The following DPF3 variants were observed in gnomAD, a reference collection of about 807,000 sequenced individuals.
The protein encoded by DPF3 is double PHD fingers 3.
Under a neutral mutation model 56.8 loss-of-function variants are expected in DPF3, and 18 were observed. The ratio of observed to expected loss-of-function variants is 0.32; its 90% CI spans 0.22 to 0.47. The LOEUF (loss-of-function observed/expected upper bound fraction) is 0.47. Ranked by LOEUF, DPF3 falls within the 20% of genes least tolerant of loss-of-function variation. DPF3 has a pLI of 1.00. For synonymous variants in DPF3, 188 were observed against 180.2 expected, an observed-to-expected ratio of 1.04 and a Z score of -0.35; for missense variants, 403 against 488.8, an observed-to-expected ratio of 0.82 and a Z score of 1.65.
intron 8 of DPF3, chr14:72,661,209 T>A (rs1217722515): frequency 9.1e-5 from 90 of 985,152 alleles, no homozygotes; most frequent in Non-Finnish European, 1.1e-4. Flanking sequence ...ACAAGGGACA[T>A]TTTCTACCAG....
chr14:72,715,401 C>T (rs547866062), intron 5 of DPF3, among the ~76,000 whole-genome samples: 1 of 152,154 alleles, frequency 6.6e-6, no homozygotes, highest in Non-Finnish European at 1.5e-5. Context: ...TGTATAGCAC[C>T]CTCGCCTCTC....
intron 8 of DPF3, among the ~76,000 whole-genome samples, chr14:72,648,447 G>A (rs375811828): frequency 1.3e-5 from 2 of 151,784 alleles, no homozygotes; most frequent in African/African-American, 4.8e-5. Context: ...TGTAATCCCA[G>A]CTACTCGGGA....
At position 72,866,529 on chromosome 14, in the gene DPF3, C is replaced by A. The variant is rs1442128422; in HGVS notation, c.32+27528G>T. Among the ~76,000 whole-genome samples the A allele has an allele frequency of 2.0e-5, 3 of 150,608 alleles. 1 individual carries two copies. The highest frequency in any genetic ancestry group is 7.3e-5 in the African/African-American group (3 of 41,102). On this transcript the variant is annotated intron_variant, in intron 1 of 10. Transcript: ENST00000556509. ...ACCAGCCATGGAGTCTTGGGCAAAT[C>A]TTGGGCAACTCCTTGGAGTTTTCTC...
intron 8 of DPF3, among the ~76,000 whole-genome samples, chr14:72,660,163 C>T (rs896739462): frequency 9.3e-5 from 14 of 151,350 alleles, no homozygotes; most frequent in Admixed American, 2.6e-4. Context: ...CTTAATGACA[C>T]AGAACTATAT....
intron 6 of DPF3, among the ~76,000 whole-genome samples, chr14:72,712,151 C>G (rs369034944): frequency 6.6e-6 from 1 of 151,770 alleles, no homozygotes; most frequent in African/African-American, 2.4e-5. Context: ...GCCGCTGAGA[C>G]TTCCAGAAAG....
At chr14:72,875,146 A>G (rs1324928672) in intron 1 of DPF3, among the ~76,000 whole-genome samples, 1 of 152,214 alleles carries the variant, frequency 6.6e-6, no homozygotes, top group Non-Finnish European at 1.5e-5. Context: ...CCATGATTCA[A>G]TTACCTCCCC....
At chr14:72,827,783 C>G (rs1460599963) in intron 1 of DPF3, among the ~76,000 whole-genome samples, 1 of 151,928 alleles carries the variant, frequency 6.6e-6, no homozygotes, top group East Asian at 1.9e-4. Context: ...CCTGGCCCCC[C>G]TTTACTCTTA....
At chr14:72,852,530 A>G (rs1442515348) in intron 1 of DPF3, among the ~76,000 whole-genome samples, 1 of 152,158 alleles carries the variant, frequency 6.6e-6, no homozygotes, top group East Asian at 1.9e-4. Context: ...TGCTCTTTCC[A>G]TCTTAGGAGA....
intron 8 of DPF3, among the ~76,000 whole-genome samples, chr14:72,649,494 A>G (rs1885832002): frequency 6.6e-6 from 1 of 152,202 alleles, no homozygotes; most frequent in African/African-American, 2.4e-5. Context: ...AGAAGGAAGG[A>G]GACAAAGAAG....
chr14:72,792,203 C>T (rs980490365), intron 1 of DPF3, among the ~76,000 whole-genome samples: 22 of 152,190 alleles, frequency 1.4e-4, no homozygotes, highest in Middle Eastern at 3.4e-3. Context: ...AGCACAGACC[C>T]CTCTGAGTCA....
chr14:72,702,080 A>T (rs886893366), intron 6 of DPF3, among the ~76,000 whole-genome samples: 9 of 152,164 alleles, frequency 5.9e-5, no homozygotes, highest in African/African-American at 2.2e-4. Context: ...AATTCTCTGG[A>T]TGGCACAGCC....
intron 1 of DPF3, among the ~76,000 whole-genome samples, chr14:72,807,227 T>G (rs1273587992): frequency 6.6e-6 from 1 of 152,238 alleles, no homozygotes; most frequent in Non-Finnish European, 1.5e-5. Context: ...ATGTCTTACT[T>G]ATGCCCTTGG....
intron 1 of DPF3, among the ~76,000 whole-genome samples, chr14:72,805,438 C>G (rs1198608864): frequency 6.6e-6 from 1 of 151,794 alleles, no homozygotes; most frequent in Non-Finnish European, 1.5e-5. Flanking sequence ...CCATTGCACT[C>G]CAGCCTGGGC....
At chr14:72,656,922 G>A (rs967869272) in intron 8 of DPF3, among the ~76,000 whole-genome samples, 4 of 152,046 alleles carry the variant, frequency 2.6e-5, no homozygotes, top group Admixed American at 6.6e-5. Context: ...CTAGCTCATC[G>A]ACCACCCTTC....
rs930664242 is a variant in DPF3 at position 72,612,285 on chromosome 14, T to C, written c.*7012A>G. On this transcript the variant is annotated 3_prime_UTR_variant, in exon 11 of 11. Coordinates refer to ENST00000556509, the MANE Select transcript of DPF3 (RefSeq NM_001280542.3). ...GACCCATCTGCTTTCCCAAATGCCA[T>C]GTGGACCAGACGCATTGGTGAGCCA... Among the ~76,000 whole-genome samples the C allele has an allele frequency of 1.3e-5, 2 of 152,134 alleles. No individual in the cohort carries two copies. The highest frequency in any genetic ancestry group is 4.8e-5 in the African/African-American group (2 of 41,428).
chr14:72,629,167 C>T (rs1345167882), intron 9 of DPF3, among the ~76,000 whole-genome samples: 3 of 152,064 alleles, frequency 2.0e-5, no homozygotes, highest in Admixed American at 6.5e-5. Context: ...TTTTGAGATA[C>T]ATATGAAGTA....
intron 1 of DPF3, among the ~76,000 whole-genome samples, chr14:72,795,340 A>G (rs1340758346): frequency 1.3e-5 from 2 of 148,946 alleles, no homozygotes; most frequent in African/African-American, 4.9e-5. Flanking sequence ...GCCTAAGAGC[A>G]TAGGATTTGG....
intron 1 of DPF3, among the ~76,000 whole-genome samples, chr14:72,778,635 T>C (rs1027254504): frequency 1.8e-4 from 27 of 152,190 alleles, no homozygotes; most frequent in African/African-American, 6.5e-4. Flanking sequence ...TGATCTTCCA[T>C]GAAACCAGTC....
intron 7 of DPF3, among the ~76,000 whole-genome samples, chr14:72,676,275 C>G (rs1886903256): frequency 6.6e-6 from 1 of 152,146 alleles, no homozygotes; most frequent in Admixed American, 6.5e-5. Context: ...GGAAGGCAAT[C>G]AGAGAATCCC....
Sources: gnomAD v4.1 joint callset for allele counts (sites outside exome capture counted in the v4.1 genomes callset) on GRCh38, gnomAD v4.1.1 for gene constraint, MANE v1.5 for transcripts, NCBI Gene and HGNC (gene_info 2026-07-23, HGNC 2026-07-21) for gene names.